Variants in CSMD1 observed in about 807,000 individuals in gnomAD.
The protein encoded by CSMD1 is CUB and sushi domain-containing protein 1.
A neutral mutation model predicts 417.5 loss-of-function variants in CSMD1; 213 were observed. That is an observed-to-expected ratio of 0.51 (90% CI 0.46 to 0.57). The LOEUF (loss-of-function observed/expected upper bound fraction) is 0.57. CSMD1 is among the 20% of genes least tolerant of loss of function. The pLI is 0.00. For missense variants in CSMD1, 6,923 were observed against 4,529.7 expected, an observed-to-expected ratio of 1.53 and a Z score of -15.17; for synonymous variants, 2,862 against 1,736.8, an observed-to-expected ratio of 1.65 and a Z score of -16.11.
intron 5 of CSMD1, among the ~76,000 whole-genome samples, chr8:3,905,302 G>C (rs1177380239): frequency 1.3e-5 from 2 of 152,234 alleles, no homozygotes; most frequent in African/African-American, 4.8e-5. Context: ...ATAACTTAAA[G>C]AAGGTTAGTG....
At chr8:4,031,619 G>T (rs1202347170) in intron 4 of CSMD1, among the ~76,000 whole-genome samples, 1 of 150,990 alleles carries the variant, frequency 6.6e-6, no homozygotes, top group South Asian at 2.1e-4. Context: ...ACTTTATGTG[G>T]TCCAAGCATG....
At chr8:3,605,815 C>T (rs919153237) in intron 8 of CSMD1, among the ~76,000 whole-genome samples, 4 of 152,134 alleles carry the variant, frequency 2.6e-5, no homozygotes, top group Admixed American at 6.6e-5. Flanking sequence ...CCCTTTAGAG[C>T]CTAGGTTATG....
chr8:4,630,279 C>T (rs1390740057), intron 2 of CSMD1, among the ~76,000 whole-genome samples: 1 of 49,800 alleles, frequency 2.0e-5, no homozygotes. Context: ...CACACACACA[C>T]ACACACACAC....
At chr8:3,476,155 C>T (rs1350136590) in intron 11 of CSMD1, among the ~76,000 whole-genome samples, 1 of 152,190 alleles carries the variant, frequency 6.6e-6, no homozygotes, top group African/African-American at 2.4e-5. Context: ...CTAGCCTGCG[C>T]AACATAGCGA....
intron 1 of CSMD1, among the ~76,000 whole-genome samples, chr8:4,745,084 G>C (rs147180300): frequency 6.6e-6 from 1 of 151,834 alleles, no homozygotes; most frequent in Non-Finnish European, 1.5e-5. Flanking sequence ...ATAAAATCTC[G>C]AGAAATGCGT....
At chr8:4,129,476 T>G (rs768281051) in intron 3 of CSMD1, among the ~76,000 whole-genome samples, 7 of 152,158 alleles carry the variant, frequency 4.6e-5, no homozygotes, top group Non-Finnish European at 8.8e-5. Flanking sequence ...TTGTGAAGTT[T>G]TGTATTGTGA....
At chr8:3,937,141 A>T (rs1204422894) in intron 5 of CSMD1, among the ~76,000 whole-genome samples, 1 of 152,194 alleles carries the variant, frequency 6.6e-6, no homozygotes, top group African/African-American at 2.4e-5. Context: ...ATGGATGAGC[A>T]AAGAAAGTGG....
intron 9 of CSMD1, among the ~76,000 whole-genome samples, chr8:3,585,308 C>A (rs1471859826): frequency 6.6e-6 from 1 of 152,128 alleles, no homozygotes; most frequent in Non-Finnish European, 1.5e-5. Flanking sequence ...TAAGTCCATT[C>A]ACGTGAAAAG....
chr8:3,228,980 CAT>C (rs1161686794), intron 27 of CSMD1, among the ~76,000 whole-genome samples: 5 of 152,160 alleles, frequency 3.3e-5, no homozygotes, highest in African/African-American at 9.6e-5. Context: ...ATTAAACACA[CAT>C]ACATTGCTCC....
At chr8:4,453,353 C>A (rs532244749) in intron 2 of CSMD1, among the ~76,000 whole-genome samples, 2 of 152,176 alleles carry the variant, frequency 1.3e-5, no homozygotes, top group African/African-American at 2.4e-5. Context: ...CTGCCCCAGT[C>A]TGCTGGGATT....
At chr8:3,234,111 C>T (rs905387123) in intron 26 of CSMD1, among the ~76,000 whole-genome samples, 26 of 152,084 alleles carry the variant, frequency 1.7e-4, no homozygotes, top group African/African-American at 5.8e-4. Context: ...ATTCCCTGAG[C>T]CAAGGGACTC....
At position 4,202,804 on chromosome 8, in the gene CSMD1, G is replaced by C. The variant is rs141023600; in HGVS notation, c.416-170705C>G. 1.4e-3 allele frequency among the ~76,000 whole-genome samples: 212 copies of C among 152,292 alleles called. 2 individuals are homozygous for C. In the Middle Eastern group the frequency reaches 0.02, roughly 15 times the overall value. On this transcript the variant is annotated intron_variant, in intron 3 of 69. Transcript: ENST00000635120. ...AATAAAACTGAGGATTCAAACGTCA[G>C]AAAATACCTAGAAAAAGAGGGCAGT...
chr8:3,802,444 A>G (rs1244086520), intron 5 of CSMD1, among the ~76,000 whole-genome samples: 2 of 152,062 alleles, frequency 1.3e-5, no homozygotes, highest in South Asian at 2.1e-4. Context: ...TTTTTTTCTT[A>G]TTAAATTTGT....
At chr8:3,591,029 G>C (rs1421481866) in intron 8 of CSMD1, among the ~76,000 whole-genome samples, 1 of 152,150 alleles carries the variant, frequency 6.6e-6, no homozygotes, top group Non-Finnish European at 1.5e-5. Context: ...GAAAATTCCA[G>C]GAGAAAAAAG....
At position 4,253,627 on chromosome 8, in the gene CSMD1, G is replaced by A. The variant is rs563888908; in HGVS notation, c.415+166326C>T. ...GTATCTGTCAAGTAAAAGACTGGAG[G>A]GAAGGGGCCAGATCTACTTAATAGA... On this transcript the variant is annotated intron_variant, in intron 3 of 69. Coordinates refer to ENST00000635120, the MANE Select transcript of CSMD1 (RefSeq NM_033225.6). Among the ~76,000 whole-genome samples the A allele has an allele frequency of 3.9e-5, 6 of 152,168 alleles. No homozygotes were observed. In the East Asian group the frequency reaches 7.8e-4, roughly 20 times the overall value.
chr8:3,280,878 A>G (rs1340604862), intron 26 of CSMD1, among the ~76,000 whole-genome samples: 5 of 152,240 alleles, frequency 3.3e-5, no homozygotes, highest in Non-Finnish European at 7.3e-5. Context: ...AGTTAGAAAG[A>G]TGTTCTCTGA....
chr8:3,599,703 G>C (rs1020871172), intron 8 of CSMD1, among the ~76,000 whole-genome samples: 2 of 152,094 alleles, frequency 1.3e-5, no homozygotes, highest in Non-Finnish European at 2.9e-5. Flanking sequence ...TTGAGTATCT[G>C]CTGCATGCCC....
intron 33 of CSMD1, among the ~76,000 whole-genome samples, chr8:3,194,224 C>T (rs1796576058): frequency 6.6e-6 from 1 of 151,996 alleles, no homozygotes; most frequent in African/African-American, 2.4e-5. Context: ...CCAACTAAGC[C>T]ATATAATTCA....
chr8:3,581,112 C>T (rs937063212), intron 9 of CSMD1, among the ~76,000 whole-genome samples: 2 of 152,054 alleles, frequency 1.3e-5, no homozygotes, highest in Admixed American at 6.6e-5. Flanking sequence ...AGTGCATTAG[C>T]ATTAAAGAAG....
Sources: allele counts gnomAD v4.1 joint callset (sites outside exome capture counted in the v4.1 genomes callset), GRCh38; gene constraint gnomAD v4.1.1; transcripts MANE v1.5; gene names NCBI Gene and HGNC (gene_info 2026-07-23, HGNC 2026-07-21).